Variants in USP6NL observed in about 807,000 individuals in gnomAD.
USP6NL encodes USP6 N-terminal like.
In USP6NL, 26 loss-of-function variants were observed where a neutral mutation model predicts 61.9. The ratio of observed to expected loss-of-function variants is 0.42; its 90% CI spans 0.31 to 0.58. USP6NL has a LOEUF of 0.58. USP6NL is among the 20% of genes least tolerant of loss of function. USP6NL has a pLI of 0.16. For synonymous variants in USP6NL, 432 were observed against 390.1 expected (o/e 1.11, Z -1.27); for missense variants, 1,114 against 1,034.3 (o/e 1.08, Z -1.06).
rs1215553567 is a variant in USP6NL, at chr10:11,562,453, T to C, written c.5-34886A>G. 1.0e-6 allele frequency: 1 copy of C among 985,242 alleles called. No individual in the cohort carries two copies. Among genetic ancestry groups the C allele is most frequent in the Non-Finnish European group, 1.2e-6 (1 of 829,934 alleles). 61.0% of individuals were successfully genotyped at this position (985,242 alleles called of 1,614,324 possible). A position where few individuals can be genotyped will look rare whatever the true frequency, so the allele number is the denominator to read the frequency against. On this transcript the variant is annotated intron_variant, in intron 2 of 14. Coordinates refer to ENST00000609104, the MANE Select transcript of USP6NL (RefSeq NM_014688.5). The surrounding 1 kb of genome is among the most constrained non-coding windows in gnomAD (Gnocchi z 4.8). ...CCTAAGGATGAAGACGCAGCAGTCA[T>C]CACGTATCTCTGAGGACAAGGATTA...
intron 2 of USP6NL, among the ~76,000 whole-genome samples, chr10:11,538,873 T>A (rs1835937644): frequency 6.6e-6 from 1 of 152,056 alleles, no homozygotes; most frequent in South Asian, 2.1e-4. Context: ...GAGACTCATC[T>A]GCTGTGTTTG....
chr10:11,587,193 GTT>G lies in USP6NL; in HGVS notation c.4+10436_4+10437del, dbSNP rs757498384. 1.4e-4 allele frequency among the ~76,000 whole-genome samples: 22 copies of G among 152,096 alleles called. No homozygotes were observed. The highest frequency in any genetic ancestry group is 2.9e-4 in the Non-Finnish European group (20 of 68,020). ...ATATGTAGGGGCTCATTAAGTATCT[GTT>G]TATACTAAAATTAAAACAATTATTA... is the stretch of plus-strand genomic sequence containing the variant. On this transcript the variant is annotated intron_variant, in intron 2 of 14. Transcript: ENST00000609104. The surrounding 1 kb of genome is among the most constrained non-coding windows in gnomAD (Gnocchi z 4.5).
intron 2 of USP6NL, among the ~76,000 whole-genome samples, chr10:11,579,934 G>T (rs1418504825): frequency 7.0e-6 from 1 of 143,778 alleles, no homozygotes; most frequent in Non-Finnish European, 1.5e-5. Context: ...GCTGTAGTTT[G>T]CAGATTACAA....
chr10:11,501,634 A>T (rs1834200909), intron 6 of USP6NL, among the ~76,000 whole-genome samples: 1 of 152,178 alleles, frequency 6.6e-6, no homozygotes, highest in Admixed American at 6.5e-5. Flanking sequence ...CCTTGTCCCC[A>T]AAATATCCTC....
Position 11,525,363 on chromosome 10 carries a change from A to G in USP6NL, c.155+23T>C. 1 of 1,565,514 alleles carries G rather than the reference A, an allele frequency of 6.4e-7. No individual in the cohort carries two copies. Among genetic ancestry groups the G allele is most frequent in the Non-Finnish European group, 8.6e-7 (1 of 1,159,246 alleles). On this transcript the variant is annotated intron_variant, in intron 4 of 14. Transcript: ENST00000609104. The surrounding 1 kb of genome is among the most constrained non-coding windows in gnomAD (Gnocchi z 5.0). ...CAGAAACGTTATAATCTAAAAAGCA[A>G]GCTTTCAATCTATGTGACTTACTGT...
At chr10:11,609,880 T>C (rs928896700) in intron 1 of USP6NL, among the ~76,000 whole-genome samples, 2 of 152,172 alleles carry the variant, frequency 1.3e-5, no homozygotes, top group East Asian at 1.9e-4. Context: ...CAGTCCCCAG[T>C]AGGAGCTATT....
rs140660134 is a variant in USP6NL at position 11,553,135 on chromosome 10, T to A, written c.5-25568A>T. 8.8e-3 allele frequency among the ~76,000 whole-genome samples: 1,342 copies of A among 152,330 alleles called. 11 individuals carry two copies. The highest frequency in any genetic ancestry group is 0.017 in the Admixed American group (260 of 15,302). ...GTAATTTCTCACTAAGTTTTTAATA[T>A]TCTTTTCAATCATCCTTCCTTTTAC... is the stretch of plus-strand genomic sequence containing the variant. On this transcript the variant is annotated intron_variant, in intron 2 of 14. Coordinates refer to ENST00000609104, the MANE Select transcript of USP6NL (RefSeq NM_014688.5). The surrounding 1 kb of genome is among the most constrained non-coding windows in gnomAD (Gnocchi z 4.8).
chr10:11,470,968 G>A lies in USP6NL; in HGVS notation c.1079-7119C>T, dbSNP rs1185989189. Among the ~76,000 whole-genome samples the A allele has an allele frequency of 1.3e-5, 2 of 152,094 alleles. No individual in the cohort carries two copies. The highest frequency in any genetic ancestry group is 2.9e-5 in the Non-Finnish European group (2 of 68,002). ...TGGGAGGCCGAGGTGGGCGGATCAC[G>A]AGGTCAGGAGATGGAGACCATCCCG... On this transcript the variant is annotated intron_variant, in intron 14 of 14. Transcript: ENST00000609104. This position sits in a 1 kb window ranked among gnomAD's most constrained non-coding sequence, Gnocchi z 5.4.
intron 2 of USP6NL, among the ~76,000 whole-genome samples, chr10:11,536,913 A>T (rs1170196188): frequency 1.3e-5 from 2 of 152,240 alleles, no homozygotes; most frequent in Non-Finnish European, 2.9e-5. Context: ...AACAACAAGA[A>T]AAGAGACAGG....
At position 11,498,109 on chromosome 10, in the gene USP6NL, C is replaced by T. The variant is rs866063483; in HGVS notation, c.384+2992G>A. Reference sequence around the variant, plus strand: ...AAACTTAGCCGGGCATGGTGGCGGGCACCTGTAATCCCAGCTACTCGGTAG... The same window carrying T: ...AAACTTAGCCGGGCATGGTGGCGGGTACCTGTAATCCCAGCTACTCGGTAG... On this transcript the variant is annotated intron_variant, in intron 7 of 14. Coordinates refer to ENST00000609104, the MANE Select transcript of USP6NL (RefSeq NM_014688.5). Among the ~76,000 whole-genome samples, 8 of 151,044 alleles carry T rather than the reference C, an allele frequency of 5.3e-5. No individual in the cohort carries two copies. In the Middle Eastern group the frequency reaches 0.014, roughly 259 times the overall value.
intron 4 of USP6NL, among the ~76,000 whole-genome samples, chr10:11,521,105 G>T (rs191119521): frequency 3.3e-5 from 5 of 152,054 alleles, no homozygotes; most frequent in African/African-American, 4.8e-5. Flanking sequence ...CAACAGCTAG[G>T]TGGAGTATTT....
Position 11,562,287 on chromosome 10 carries a change from C to A in USP6NL, c.5-34720G>T. The A allele has an allele frequency of 4.2e-6, 3 of 707,938 alleles. No individual in the cohort carries two copies. Among genetic ancestry groups the A allele is most frequent in the Non-Finnish European group, 5.2e-6 (3 of 576,060 alleles). 43.9% of individuals were successfully genotyped at this position (707,938 alleles called of 1,614,324 possible). ...AAAAAAAAAAAAAAAAAATTGCATTCCCAGGACCCCCCTGCAGCTAGCAGC... is the reference window on the plus strand; with the variant it reads ...AAAAAAAAAAAAAAAAAATTGCATTACCAGGACCCCCCTGCAGCTAGCAGC... On this transcript the variant is annotated intron_variant, in intron 2 of 14. Transcript: ENST00000609104. The surrounding 1 kb of genome is among the most constrained non-coding windows in gnomAD (Gnocchi z 4.8).
intron 14 of USP6NL, among the ~76,000 whole-genome samples, chr10:11,473,438 G>T (rs1227373206): frequency 6.6e-6 from 1 of 152,200 alleles, no homozygotes; most frequent in Non-Finnish European, 1.5e-5. Flanking sequence ...GTTTGGGGAG[G>T]CCAGGCACCG....
At chr10:11,501,468 G>A (rs548477416) in intron 6 of USP6NL, among the ~76,000 whole-genome samples, 3 of 152,312 alleles carry the variant, frequency 2.0e-5, no homozygotes, top group South Asian at 2.1e-4. Context: ...AGGCCATTAC[G>A]GAAGTGTCCC....
chr10:11,498,235 C>CAA lies in USP6NL; in HGVS notation c.384+2864_384+2865dup, dbSNP rs11341542. Among the ~76,000 whole-genome samples the CAA allele has an allele frequency of 3.3e-4, 13 of 38,808 alleles. 1 individual carries two copies. The highest frequency in any genetic ancestry group is 1.7e-3 in the African/African-American group (12 of 7,120). 25.5% of individuals were successfully genotyped at this position (38,808 alleles called of 152,430 possible). On this transcript the variant is annotated intron_variant, in intron 7 of 14. Coordinates refer to ENST00000609104, the MANE Select transcript of USP6NL (RefSeq NM_014688.5). ...TGGGCAACAGAGTGACACTCTGTCT[C>CAA]AAAAAAAAAAAAAAAAAAAAAAAAA...
rs1566106207 is a variant in USP6NL at position 11,462,599 on chromosome 10, G to T, written c.2329C>A (p.Leu777Ile). 1.2e-6 allele frequency: 2 copies of T among 1,613,898 alleles called. No homozygotes were observed. The highest frequency in any genetic ancestry group is 1.7e-6 in the Non-Finnish European group (2 of 1,179,904). ...FQLAPFQDHG[L>I]PAVSVDSPVR... ...GGACTATCTACAGAAACTGCAGGGA[G>T]GCCATGGTCCTGAAAGGGTGCGAGT... Residue 777 changes from leucine (L) to isoleucine (I), a missense_variant, in exon 15 of 15, where the codon CTC (leucine) becomes ATC (isoleucine). By Grantham distance (5) the Leu-to-Ile change is conservative. Coordinates refer to ENST00000609104, the MANE Select transcript of USP6NL (RefSeq NM_014688.5).
In USP6NL at chr10:11,493,021, T is replaced by C. The variant is rs1340409276; in HGVS notation, c.494+98A>G. On this transcript the variant is annotated intron_variant, in intron 8 of 14. Coordinates refer to ENST00000609104, the MANE Select transcript of USP6NL (RefSeq NM_014688.5). ...TGCAAAAGCTTAAACCTTTAGGACC[T>C]AAATCGAAATTACAGTCTATAAAGG... 16 of 1,052,248 alleles carry C rather than the reference T, an allele frequency of 1.5e-5. No homozygotes were observed. In the Admixed American group the frequency reaches 3.4e-4, roughly 22 times the overall value. 65.2% of individuals were successfully genotyped at this position (1,052,248 alleles called of 1,614,324 possible). A position where few individuals can be genotyped will look rare whatever the true frequency, so the allele number is the denominator to read the frequency against.
At chr10:11,467,315 A>C (rs1198973300) in intron 14 of USP6NL, among the ~76,000 whole-genome samples, 1 of 152,248 alleles carries the variant, frequency 6.6e-6, no homozygotes, top group Admixed American at 6.5e-5. Flanking sequence ...ACAAGTTATC[A>C]GAAAAATGCA....
rs529035374 is a variant in USP6NL at position 11,492,029 on chromosome 10, C to T, written c.494+1090G>A. Among the ~76,000 whole-genome samples the T allele has an allele frequency of 2.6e-5, 4 of 152,296 alleles. No individual in the cohort carries two copies. In the East Asian group the frequency reaches 5.8e-4, roughly 22 times the overall value. The stretch of plus-strand genomic sequence containing the variant: ...CCCTCTCTTTTACCTTATCATCTAA[C>T]ATAAGGTATCTTAATAACAGTCAGC... On this transcript the variant is annotated intron_variant, in intron 8 of 14. Transcript: ENST00000609104.
Sources: gnomAD v4.1 joint callset for allele counts (sites outside exome capture counted in the v4.1 genomes callset) on GRCh38, gnomAD v4.1.1 for gene constraint, Gnocchi (gnomAD v3.1) non-coding constraint, MANE v1.5 for transcripts, NCBI Gene and HGNC (gene_info 2026-07-23, HGNC 2026-07-21) for gene names.